Variants in KCNH1 observed in about 807,000 individuals in gnomAD.
KCNH1 encodes the protein potassium voltage-gated channel subfamily H member 1.
In KCNH1, 27 loss-of-function variants were observed where a neutral mutation model predicts 69.2. The observed-to-expected ratio is 0.39, with a 90% CI of 0.29 to 0.54. The LOEUF is 0.54. Among genes scored for constraint, KCNH1 ranks in the 20% least tolerant of loss-of-function variants. KCNH1 has a pLI of 0.68. For synonymous variants in KCNH1, 456 were observed against 487.7 expected (o/e 0.93, Z 0.86); for missense variants, 798 against 1,261.6 (o/e 0.63, Z 5.57).
intron 6 of KCNH1, among the ~76,000 whole-genome samples, chr1:211,013,895 G>A (rs1689445021): frequency 6.6e-6 from 1 of 152,248 alleles, no homozygotes; most frequent in South Asian, 2.1e-4. Flanking sequence ...ATCTGTGTGA[G>A]TGTTTTGGAA....
At chr1:210,895,679 CAGGAAACAT>C (rs1686850317) in intron 7 of KCNH1, among the ~76,000 whole-genome samples, 1 of 151,838 alleles carries the variant, frequency 6.6e-6, no homozygotes, top group Admixed American at 6.6e-5. Flanking sequence ...AGACAGACAT[CAGGAAACAT>C]AGGAAAGGGA....
chr1:210,710,748 C>T (rs1342791380), intron 10 of KCNH1, among the ~76,000 whole-genome samples: 1 of 151,822 alleles, frequency 6.6e-6, no homozygotes, highest in Non-Finnish European at 1.5e-5. Flanking sequence ...AACGCTGGCT[C>T]CTTTTACCAC....
At chr1:211,013,264 G>A (rs1257960027) in intron 6 of KCNH1, among the ~76,000 whole-genome samples, 1 of 152,190 alleles carries the variant, frequency 6.6e-6, no homozygotes, top group Non-Finnish European at 1.5e-5. Flanking sequence ...GGAATAGTGA[G>A]CCTAGAAGAA....
In KCNH1 at chr1:211,107,297, C is replaced by A. The variant is rs1691367601; in HGVS notation, c.160G>T (p.Gly54Cys). 3 of 1,613,536 alleles carry A rather than the reference C, an allele frequency of 1.9e-6. No homozygotes were observed. Residue 54 changes from glycine to cysteine, a missense_variant, in exon 2 of 11, where the codon GGC becomes TGC. Around this residue, in one of 4 missense-constraint regions of KCNH1, gnomAD observed 266 missense variants for 457.2 expected, o/e 0.58. Coordinates refer to ENST00000271751, the MANE Select transcript of KCNH1 (RefSeq NM_172362.3). ...YSNDGFCKLS[G>C]YHRAEVMQKS... ...TGCATCACTTCTGCCCTGTGATAGC[C>A]AGACAGCTTGCAAAATCCATCATTG...
chr1:210,802,575 A>G (rs895449479), intron 8 of KCNH1, among the ~76,000 whole-genome samples: 2 of 152,234 alleles, frequency 1.3e-5, no homozygotes, highest in African/African-American at 4.8e-5. Context: ...AAGAAAATTC[A>G]TAAGTAAATA....
At chr1:211,012,397 G>A (rs1689410274) in intron 6 of KCNH1, among the ~76,000 whole-genome samples, 1 of 152,130 alleles carries the variant, frequency 6.6e-6, no homozygotes, top group African/African-American at 2.4e-5. Context: ...GCTATAGAGT[G>A]ATGATTTTTA....
chr1:210,916,386 C>T (rs925401149), intron 7 of KCNH1, among the ~76,000 whole-genome samples: 43 of 152,268 alleles, frequency 2.8e-4, no homozygotes, highest in African/African-American at 1.0e-3. Context: ...TGACTTGTTT[C>T]CTAAGCACCC....
At chr1:211,103,787 C>G (rs1691305248) in intron 2 of KCNH1, among the ~76,000 whole-genome samples, 185 bp from the exon 3 acceptor site, 2 of 152,182 alleles carry the variant, frequency 1.3e-5, no homozygotes, top group Admixed American at 1.3e-4. Context: ...TTTTCATTGT[C>G]TCCAAAAAAC....
chr1:211,047,229 G>A (rs1265854438), intron 5 of KCNH1, among the ~76,000 whole-genome samples: 3 of 152,166 alleles, frequency 2.0e-5, no homozygotes, highest in Non-Finnish European at 4.4e-5. Context: ...TCTAAACCAT[G>A]AAGTTATACT....
At chr1:211,033,095 G>A (rs982458274) in intron 5 of KCNH1, among the ~76,000 whole-genome samples, 4 of 152,144 alleles carry the variant, frequency 2.6e-5, no homozygotes, top group African/African-American at 9.7e-5. Flanking sequence ...TCAAAAAGTG[G>A]ATGAAGGATA....
intron 5 of KCNH1, among the ~76,000 whole-genome samples, chr1:211,081,833 G>A (rs1259661236): frequency 1.3e-5 from 2 of 152,142 alleles, no homozygotes; most frequent in Non-Finnish European, 2.9e-5. Flanking sequence ...TGGGGGACGG[G>A]GGAGGGATAG....
chr1:210,808,802 C>T (rs1037651452), intron 7 of KCNH1, among the ~76,000 whole-genome samples: 2 of 152,086 alleles, frequency 1.3e-5, no homozygotes, highest in African/African-American at 4.8e-5. Context: ...AAAAACCTAA[C>T]TGGGAGAGAA....
At chr1:210,687,570 T>C (rs1314143737) in intron 10 of KCNH1, among the ~76,000 whole-genome samples, 3 of 152,146 alleles carry the variant, frequency 2.0e-5, no homozygotes, top group Non-Finnish European at 4.4e-5. Flanking sequence ...GGTTCTTCCT[T>C]TGAGAATCAG....
intron 6 of KCNH1, among the ~76,000 whole-genome samples, chr1:210,986,704 G>A (rs150489749): frequency 0.011 from 1,704 of 152,258 alleles, 35 homozygotes; most frequent in African/African-American, 0.039. Flanking sequence ...ATTCTCTCTG[G>A]CTGCCCTTAA....
At chr1:210,943,456 C>A (rs1687907119) in intron 6 of KCNH1, among the ~76,000 whole-genome samples, 1 of 152,124 alleles carries the variant, frequency 6.6e-6, no homozygotes. Flanking sequence ...TCAGGCCAAT[C>A]TCCTGCCTCA....
At chr1:211,023,777 A>T (rs531409038) in intron 5 of KCNH1, among the ~76,000 whole-genome samples, 1 of 152,162 alleles carries the variant, frequency 6.6e-6, no homozygotes, top group Admixed American at 6.5e-5. Context: ...GATTATATAA[A>T]TTTATCATCC....
intron 6 of KCNH1, among the ~76,000 whole-genome samples, chr1:210,926,396 T>C (rs960566343): frequency 2.0e-5 from 3 of 152,156 alleles, no homozygotes; most frequent in Non-Finnish European, 4.4e-5. Flanking sequence ...CAGGACTCTT[T>C]GCCGACACTC....
intron 6 of KCNH1, among the ~76,000 whole-genome samples, chr1:210,995,234 T>G (rs577069868): frequency 3.7e-4 from 56 of 152,326 alleles, no homozygotes; most frequent in Middle Eastern, 3.4e-3. Flanking sequence ...AAGAGGCTTA[T>G]ATTTTTCTGC....
chr1:210,838,864 A>G (rs1474009428), intron 7 of KCNH1, among the ~76,000 whole-genome samples: 1 of 152,234 alleles, frequency 6.6e-6, no homozygotes, highest in African/African-American at 2.4e-5. Flanking sequence ...ACAATGAGAT[A>G]CCATCTCACA....
Sources: gnomAD v4.1 joint callset for allele counts (sites outside exome capture counted in the v4.1 genomes callset) on GRCh38, gnomAD v4.1.1 for gene constraint, gnomAD v4.1.1 regional missense constraint, MANE v1.5 for transcripts, NCBI Gene and HGNC (gene_info 2026-07-23, HGNC 2026-07-21) for gene names.